KDM3B: variants seen among roughly 807,000 people sequenced by gnomAD.
KDM3B encodes lysine demethylase 3B, also known as lysine-specific demethylase 3B.
A neutral mutation model predicts 170.0 loss-of-function variants in KDM3B; 10 were observed. The observed-to-expected ratio is 0.06, with a 90% CI of 0.04 to 0.10. KDM3B has a LOEUF of 0.10. KDM3B is among the 10% of genes least tolerant of loss of function. The pLI is 1.00. For synonymous variants in KDM3B, 831 were observed against 834.8 expected (o/e 1.00, Z 0.08); for missense variants, 1,394 against 2,195.2 (o/e 0.64, Z 7.29).
Position 138,352,855 on chromosome 5 carries a change from T to C in KDM3B, c.60T>C (p.Thr20=). Residue 20 remains threonine, a synonymous_variant, in exon 1 of 24, where the codon ACT becomes ACC. Transcript: ENST00000314358. ...GGCTGCTGCTGCTGTTCGCGGACAC[T>C]GCGGCCTCAGCCTCGGCCTCGGCTC... is the stretch of plus-strand genomic sequence containing the variant. ...GKRLLLLFAD[T]AASASASAPA... The C allele has an allele frequency of 1.5e-6, 2 of 1,375,892 alleles. No homozygotes were observed. Among genetic ancestry groups the C allele is most frequent in the South Asian group, 3.1e-5 (2 of 65,104 alleles). The allele number at this position is 1,375,892 out of a possible 1,614,324, so 85.2% of individuals were successfully genotyped here.
chr5:138,387,097 G>C (rs911958699), intron 7 of KDM3B, among the ~76,000 whole-genome samples: 1 of 152,076 alleles, frequency 6.6e-6, no homozygotes, highest in African/African-American at 2.4e-5. Context: ...TCCATCATTT[G>C]ATATGGCCAT....
chr5:138,392,733 C>G (rs1298012881), intron 8 of KDM3B, among the ~76,000 whole-genome samples: 1 of 152,120 alleles, frequency 6.6e-6, no homozygotes, highest in African/African-American at 2.4e-5. Context: ...CTATCAAAAT[C>G]CATTAACTTG....
intron 5 of KDM3B, among the ~76,000 whole-genome samples, chr5:138,380,230 G>A (rs1217090737): frequency 1.3e-5 from 2 of 151,364 alleles, no homozygotes; most frequent in East Asian, 1.9e-4. Context: ...CAAGTGATCC[G>A]CCCACCTCAG....
chr5:138,371,970 G>A (rs997497877), intron 1 of KDM3B, among the ~76,000 whole-genome samples: 1 of 152,032 alleles, frequency 6.6e-6, no homozygotes. Flanking sequence ...AAAATAAGCC[G>A]GGCATGGTGG....
rs1233618362 is a variant in KDM3B at position 138,359,168 on chromosome 5, A to AT, written c.192+6193dup. Among the ~76,000 whole-genome samples, 243 of 143,574 alleles carry AT rather than the reference A, an allele frequency of 1.7e-3. 3 individuals carry two copies. The highest frequency in any genetic ancestry group is 4.4e-3 in the African/African-American group (173 of 39,366). The allele number at this position is 143,574 out of a possible 152,430, so 94.2% of individuals were successfully genotyped here. A position where few individuals can be genotyped will look rare whatever the true frequency, so the allele number is the denominator to read the frequency against. On this transcript the variant is annotated intron_variant, in intron 1 of 23. Coordinates refer to ENST00000314358, the MANE Select transcript of KDM3B (RefSeq NM_016604.4). The stretch of plus-strand genomic sequence containing the variant: ...ATAGTATTCCATGGTGTATTTATTT[A>AT]TTTTTTTTTTTTAGACACAGTCTTA...
At chr5:138,380,006 G>C (rs1330319718) in intron 5 of KDM3B, among the ~76,000 whole-genome samples, 2 of 152,122 alleles carry the variant, frequency 1.3e-5, no homozygotes, top group African/African-American at 2.4e-5. Flanking sequence ...TATGACAGTA[G>C]TAGTATTATA....
intron 5 of KDM3B, 27 bp downstream of exon 5, chr5:138,379,735 G>A (rs201084585): frequency 6.7e-5 from 108 of 1,600,090 alleles, no homozygotes; most frequent in Non-Finnish European, 8.9e-5. Context: ...TTCTGTCTAA[G>A]GTCCATCCAT....
At chr5:138,368,542 C>A (rs1037085720) in intron 1 of KDM3B, among the ~76,000 whole-genome samples, 4 of 152,176 alleles carry the variant, frequency 2.6e-5, no homozygotes, top group Admixed American at 6.5e-5. Context: ...CAGCGTCCCA[C>A]TTGAAATGAT....
At chr5:138,403,304 C>A (rs1298470264) in intron 11 of KDM3B, among the ~76,000 whole-genome samples, 6 of 152,070 alleles carry the variant, frequency 3.9e-5, no homozygotes, top group Admixed American at 3.9e-4. Flanking sequence ...TGCAAAAATA[C>A]CAACTTACAT....
At chr5:138,369,509 C>T (rs1457162937) in intron 1 of KDM3B, among the ~76,000 whole-genome samples, 1 of 152,134 alleles carries the variant, frequency 6.6e-6, no homozygotes, top group African/African-American at 2.4e-5. Context: ...GATAGTTGCA[C>T]GCACACACCC....
intron 23 of KDM3B, among the ~76,000 whole-genome samples, chr5:138,435,004 C>T (rs1341513760): frequency 6.6e-6 from 1 of 152,142 alleles, no homozygotes; most frequent in African/African-American, 2.4e-5. Context: ...CCTCAGTTTT[C>T]TTGTCAGCCC....
intron 20 of KDM3B, among the ~76,000 whole-genome samples, chr5:138,429,244 G>T (rs745396548): frequency 6.6e-6 from 1 of 152,108 alleles, no homozygotes; most frequent in African/African-American, 2.4e-5. Flanking sequence ...TAGAGATGGG[G>T]TGTCACCATG....
chr5:138,432,986 C>T (rs568651018), intron 23 of KDM3B, among the ~76,000 whole-genome samples: 11 of 152,226 alleles, frequency 7.2e-5, no homozygotes, highest in East Asian at 3.9e-4. Context: ...CCTCGTGATC[C>T]GCCTGCCTCG....
chr5:138,434,001 A>G lies in KDM3B; in HGVS notation c.5206-1619A>G, dbSNP rs906350667. 1.8e-4 allele frequency among the ~76,000 whole-genome samples: 28 copies of G among 152,128 alleles called. 1 individual carries two copies. Among genetic ancestry groups the G allele is most frequent in the African/African-American group, 6.3e-4 (26 of 41,438 alleles). On this transcript the variant is annotated intron_variant, in intron 23 of 23. Coordinates refer to ENST00000314358, the MANE Select transcript of KDM3B (RefSeq NM_016604.4). ...GTGATCCACCTGCCTCGGCTTCCCAAAATGCTGAGATTACAGGCGTGAGTC... is the reference window on the plus strand; with the variant it reads ...GTGATCCACCTGCCTCGGCTTCCCAGAATGCTGAGATTACAGGCGTGAGTC...
intron 1 of KDM3B, 114 bp from the exon 2 acceptor site, chr5:138,372,560 A>G: frequency 1.1e-6 from 1 of 889,938 alleles, no homozygotes. Flanking sequence ...ACTTAAACAC[A>G]AGTTAGAATT....
intron 14 of KDM3B, 123 bp from the exon 15 acceptor site, chr5:138,420,583 T>G: frequency 2.9e-6 from 3 of 1,049,948 alleles, no homozygotes; most frequent in Non-Finnish European, 4.3e-6. Context: ...CATACACAGT[T>G]TGGGGGGTGC....
In KDM3B at chr5:138,425,525, G is replaced by T; in HGVS notation, c.4354G>T (p.Ala1452Ser). 2 of 1,614,098 alleles carry T rather than the reference G, an allele frequency of 1.2e-6. No individual in the cohort carries two copies. Among genetic ancestry groups the T allele is most frequent in the South Asian group, 2.2e-5 (2 of 91,076 alleles). ...DVDLVNCRNC[A>S]IISDVKVRDF... is the part of the protein sequence containing the mutation. ...AGACTTGGTGAACTGCAGGAACTGTGCTATAATTTCCGATGTGAAAGTTCG... is the reference window on the plus strand; with the variant it reads ...AGACTTGGTGAACTGCAGGAACTGTTCTATAATTTCCGATGTGAAAGTTCG... Residue 1452 changes from alanine (A) to serine (S), a missense_variant, in exon 17 of 24, where the codon GCT becomes TCT. Coordinates refer to ENST00000314358, the MANE Select transcript of KDM3B (RefSeq NM_016604.4).
At chr5:138,427,621 T>A (rs1435519498) in intron 19 of KDM3B, among the ~76,000 whole-genome samples, 1 of 152,086 alleles carries the variant, frequency 6.6e-6, no homozygotes, top group African/African-American at 2.4e-5. Context: ...AATGAAGAGG[T>A]CTGGGTGCCA....
rs1763668359 is a variant in KDM3B, at chr5:138,436,153, G to T, written c.*453G>T. On this transcript the variant is annotated 3_prime_UTR_variant, in exon 24 of 24. Coordinates refer to ENST00000314358, the MANE Select transcript of KDM3B (RefSeq NM_016604.4). The stretch of plus-strand genomic sequence containing the variant: ...TGGAAGTCTGATAGCGTCTCTGCAC[G>T]TGACCTCTGACAAAGCCCATCCCAG... 1 of 169,406 alleles carries T rather than the reference G, an allele frequency of 5.9e-6. No homozygotes were observed. The highest frequency in any genetic ancestry group is 2.4e-5 in the African/African-American group (1 of 41,730). 10.5% of individuals were successfully genotyped at this position (169,406 alleles called of 1,614,324 possible). A position where few individuals can be genotyped will look rare whatever the true frequency, so the allele number is the denominator to read the frequency against.
Sources: allele counts gnomAD v4.1 joint callset (sites outside exome capture counted in the v4.1 genomes callset), GRCh38; gene constraint gnomAD v4.1.1; transcripts MANE v1.5; gene names NCBI Gene and HGNC (gene_info 2026-07-23, HGNC 2026-07-21).